TMEM131L: variants seen among roughly 807,000 people sequenced by gnomAD.
TMEM131L encodes the protein transmembrane protein 131-like.
In TMEM131L, 54 loss-of-function variants were observed where a neutral mutation model predicts 192.2. The observed-to-expected ratio is 0.28, with a 90% CI of 0.23 to 0.35. The LOEUF (loss-of-function observed/expected upper bound fraction) is 0.35, where lower values mean the gene tolerates loss of function less well. TMEM131L is among the 10% of genes least tolerant of loss of function. TMEM131L has a pLI of 1.00. For synonymous variants in TMEM131L, 701 were observed against 704.9 expected, an observed-to-expected ratio of 0.99 and a Z score of 0.09; for missense variants, 1,888 against 1,972.9, an observed-to-expected ratio of 0.96 and a Z score of 0.82.
chr4:153,581,311 C>T, intron 8 of TMEM131L, 96 bp from the exon 9 acceptor site: 1 of 889,840 alleles, frequency 1.1e-6, no homozygotes. Context: ...CACACACGTC[C>T]CATTACGTTA....
At chr4:153,522,698 A>T (rs975340223) in intron 3 of TMEM131L, among the ~76,000 whole-genome samples, 1 of 152,212 alleles carries the variant, frequency 6.6e-6, no homozygotes, top group Non-Finnish European at 1.5e-5. Flanking sequence ...GCCAGTCTTT[A>T]ATAAATGCTT....
intron 3 of TMEM131L, among the ~76,000 whole-genome samples, chr4:153,544,299 C>T (rs948437843): frequency 5.3e-5 from 8 of 151,982 alleles, no homozygotes; most frequent in African/African-American, 1.5e-4. Flanking sequence ...TTCACTTGTT[C>T]GAAAGGACAG....
At chr4:153,634,101 T>A in intron 32 of TMEM131L, 91 bp from the exon 33 acceptor site, 1 of 1,064,426 alleles carries the variant, frequency 9.4e-7, no homozygotes, top group Non-Finnish European at 1.5e-6. Flanking sequence ...TCACAGTGAT[T>A]AGGATGCTAG....
At chr4:153,528,377 T>A (rs1481916130) in intron 3 of TMEM131L, among the ~76,000 whole-genome samples, 3 of 152,188 alleles carry the variant, frequency 2.0e-5, no homozygotes, top group African/African-American at 7.2e-5. Context: ...AACTGTGACA[T>A]GTTTCACAAT....
chr4:153,610,940 AAAG>A (rs1451554561), intron 25 of TMEM131L, among the ~76,000 whole-genome samples: 1 of 152,236 alleles, frequency 6.6e-6, no homozygotes, highest in Non-Finnish European at 1.5e-5. Flanking sequence ...GTTCAAGAAA[AAAG>A]AAGAAGGTAC....
At chr4:153,593,535 A>G (rs1454617736) in intron 18 of TMEM131L, among the ~76,000 whole-genome samples, 2 of 151,942 alleles carry the variant, frequency 1.3e-5, no homozygotes, top group Non-Finnish European at 2.9e-5. Context: ...ATGCTTCCTT[A>G]CATCCTGTGA....
intron 7 of TMEM131L, among the ~76,000 whole-genome samples, chr4:153,568,602 C>T (rs1729380644): frequency 8.1e-6 from 1 of 123,534 alleles, no homozygotes; most frequent in Non-Finnish European, 1.5e-5. Context: ...TTCCTATTAC[C>T]TGGCAATATA....
intron 3 of TMEM131L, among the ~76,000 whole-genome samples, chr4:153,531,980 A>G (rs1735933274): frequency 6.6e-6 from 1 of 152,188 alleles, no homozygotes; most frequent in African/African-American, 2.4e-5. Flanking sequence ...CTAACAGATG[A>G]AGAAGGAAAT....
At chr4:153,590,144 A>G (rs1032973909) in intron 16 of TMEM131L, among the ~76,000 whole-genome samples, 104 of 152,318 alleles carry the variant, frequency 6.8e-4, no homozygotes, top group African/African-American at 2.5e-3. Context: ...TTTAAAGGCC[A>G]TGCATTGCAT....
In TMEM131L at chr4:153,634,237, A is replaced by G. The variant is rs1220763784; in HGVS notation, c.4374A>G (p.Ala1458=). 2.5e-6 allele frequency: 4 copies of G among 1,614,168 alleles called. No individual in the cohort carries two copies. The highest frequency in any genetic ancestry group is 1.7e-5 in the Admixed American group (1 of 60,018). Reference sequence around the variant, plus strand: ...CATGCGAAGGCCAGTTTTCCAGCGCATACTGTCCATTGGAATTGAACGATT... The same window carrying G: ...CATGCGAAGGCCAGTTTTCCAGCGCGTACTGTCCATTGGAATTGAACGATT... ...SATCEGQFSS[A]YCPLELNDYN... Residue 1458 remains alanine (A), a synonymous_variant, in exon 33 of 35, where the codon GCA becomes GCG. Transcript: ENST00000409959.
chr4:153,542,681 G>A (rs1021399010), intron 3 of TMEM131L, among the ~76,000 whole-genome samples: 1 of 152,184 alleles, frequency 6.6e-6, no homozygotes, highest in Non-Finnish European at 1.5e-5. Context: ...ATCACCTATG[G>A]TTTGGCTTCA....
intron 3 of TMEM131L, among the ~76,000 whole-genome samples, chr4:153,517,728 A>G (rs1248427830): frequency 6.6e-6 from 1 of 152,182 alleles, no homozygotes; most frequent in Non-Finnish European, 1.5e-5. Context: ...AATGGTTATG[A>G]TTAATCTTGT....
At chr4:153,625,353 C>T (rs1733760731) in intron 29 of TMEM131L, among the ~76,000 whole-genome samples, 1 of 151,738 alleles carries the variant, frequency 6.6e-6, no homozygotes, top group Admixed American at 6.6e-5. Flanking sequence ...ATCGCCACTG[C>T]ACTCCAGCCT....
chr4:153,466,860 G>T (rs918401335), intron 1 of TMEM131L, among the ~76,000 whole-genome samples: 1 of 152,122 alleles, frequency 6.6e-6, no homozygotes, highest in East Asian at 1.9e-4. Flanking sequence ...CCGGCTTCCT[G>T]CAGCTTTGTT....
intron 7 of TMEM131L, among the ~76,000 whole-genome samples, chr4:153,567,048 T>A (rs1729255449): frequency 6.6e-6 from 1 of 152,236 alleles, no homozygotes; most frequent in African/African-American, 2.4e-5. Context: ...ACCTGCTACT[T>A]GCCTTCTAAG....
intron 3 of TMEM131L, among the ~76,000 whole-genome samples, chr4:153,540,905 CT>C (rs1736729596): frequency 6.6e-6 from 1 of 152,152 alleles, no homozygotes. Context: ...TGAATTTCTG[CT>C]TTGGCTTCTT....
chr4:153,586,320 A>C lies in TMEM131L; in HGVS notation c.1423A>C (p.Thr475Pro). The C allele has an allele frequency of 6.2e-7, 1 of 1,604,432 alleles. No homozygotes were observed. The highest frequency in any genetic ancestry group is 8.5e-7 in the Non-Finnish European group (1 of 1,176,664). Residue 475 changes from threonine to proline, a missense_variant, in exon 14 of 35, where the codon ACT (threonine) becomes CCT (proline). By Grantham distance (38) the Thr-to-Pro change is conservative (BLOSUM62 -1). Coordinates refer to ENST00000409959, the MANE Select transcript of TMEM131L (RefSeq NM_001131007.2). ...AAATCTATTCACCAATGTATTTTTG[A>C]CTACAAACATAGGTGCCATTTTTGC... ...AINLFTNVFLTTNIGAIFAIP... is the reference protein window; with the variant it reads ...AINLFTNVFLPTNIGAIFAIP...
At chr4:153,590,464 T>C (rs1252650682) in intron 16 of TMEM131L, among the ~76,000 whole-genome samples, 1 of 152,124 alleles carries the variant, frequency 6.6e-6, no homozygotes, top group African/African-American at 2.4e-5. Context: ...GAACTCTCCA[T>C]TGTACATACC....
At chr4:153,596,666 C>T (rs1435759513) in intron 20 of TMEM131L, among the ~76,000 whole-genome samples, 1 of 152,004 alleles carries the variant, frequency 6.6e-6, no homozygotes, top group Non-Finnish European at 1.5e-5. Context: ...TCTCAAAAGG[C>T]AGAACACACT....
Sources: allele counts gnomAD v4.1 joint callset (sites outside exome capture counted in the v4.1 genomes callset), GRCh38; gene constraint gnomAD v4.1.1; transcripts MANE v1.5; gene names NCBI Gene and HGNC (gene_info 2026-07-23, HGNC 2026-07-21).